AGFG1: variants seen among roughly 807,000 people sequenced by gnomAD.
The protein encoded by AGFG1 is ArfGAP with FG repeats 1.
Under a neutral mutation model 60.6 loss-of-function variants are expected in AGFG1, and 10 were observed. That is an observed-to-expected ratio of 0.16 (90% CI 0.10 to 0.28). The LOEUF (loss-of-function observed/expected upper bound fraction) is 0.28, where lower values mean the gene tolerates loss of function less well. Ranked by LOEUF, AGFG1 falls within the 10% of genes least tolerant of loss-of-function variation. AGFG1 has a pLI of 1.00. For synonymous variants in AGFG1, 247 were observed against 242.9 expected, an observed-to-expected ratio of 1.02 and a Z score of -0.16; for missense variants, 537 against 676.5, an observed-to-expected ratio of 0.79 and a Z score of 2.29.
At chr2:227,504,214 G>A (rs1440359660) in intron 2 of AGFG1, among the ~76,000 whole-genome samples, 1 of 150,310 alleles carries the variant, frequency 6.7e-6, no homozygotes, top group African/African-American at 2.5e-5. Context: ...TTTGAGATAG[G>A]GTCTCAACTT....
At chr2:227,484,688 GTTTTTTTTTTTTTTTTTTTTTTT>G (rs745570416) in intron 1 of AGFG1, among the ~76,000 whole-genome samples, 1 of 25,090 alleles carries the variant, frequency 4.0e-5, no homozygotes, top group African/African-American at 1.1e-4. Context: ...TTTTTTTTTT[GTTTTTTTTTTTTTTTTTTTTTTT>G]TTTTTTTTTT....
intron 7 of AGFG1, 80 bp from the exon 8 acceptor site, chr2:227,534,765 G>C (rs1223104467): frequency 1.4e-6 from 2 of 1,471,466 alleles, no homozygotes; most frequent in South Asian, 1.3e-5. Context: ...AAGTTTACCT[G>C]TGTTTCATGG....
chr2:227,478,457 C>G (rs1690355479), intron 1 of AGFG1, among the ~76,000 whole-genome samples: 1 of 151,996 alleles, frequency 6.6e-6, no homozygotes, highest in African/African-American at 2.4e-5. Context: ...GATCCTCCGA[C>G]CTCAGCTTCC....
intron 10 of AGFG1, among the ~76,000 whole-genome samples, chr2:227,541,103 C>T (rs980038458): frequency 2.0e-5 from 3 of 152,146 alleles, no homozygotes; most frequent in African/African-American, 4.8e-5. Context: ...AGCCCTTTGT[C>T]AGATGGGTAG....
At chr2:227,545,016 T>C (rs1229809709) in intron 10 of AGFG1, among the ~76,000 whole-genome samples, 2 of 152,216 alleles carry the variant, frequency 1.3e-5, no homozygotes, top group Non-Finnish European at 2.9e-5. Flanking sequence ...CCTTGCTATA[T>C]TGGGGAAGTT....
chr2:227,554,013 A>C (rs80097328), intron 12 of AGFG1, among the ~76,000 whole-genome samples: 3,332 of 152,314 alleles, frequency 0.022, 71 homozygotes, highest in Middle Eastern at 0.085. Context: ...TTTTTAAAAA[A>C]TTAGTTGCAA....
At chr2:227,500,681 C>T (rs1484012888) in intron 2 of AGFG1, among the ~76,000 whole-genome samples, 1 of 152,178 alleles carries the variant, frequency 6.6e-6, no homozygotes, top group Non-Finnish European at 1.5e-5. Flanking sequence ...ATATCTGTAT[C>T]CATTCATCAG....
In AGFG1 at chr2:227,553,082, G is replaced by A. The variant is rs140678891; in HGVS notation, c.1538-622G>A. The stretch of plus-strand genomic sequence containing the variant: ...AAAAATATTTCCTACAAAATACTGT[G>A]ATGTTTACATAGAAATCATTGTGTT... On this transcript the variant is annotated intron_variant, in intron 11 of 12. Coordinates refer to ENST00000310078, the MANE Select transcript of AGFG1 (RefSeq NM_004504.5). 7.4e-4 allele frequency among the ~76,000 whole-genome samples: 112 copies of A among 151,680 alleles called. No individual in the cohort carries two copies. The Middle Eastern group carries it at 0.014, about 19-fold the overall frequency.
chr2:227,491,493 A>AT, intron 1 of AGFG1, 54 bp from the exon 2 acceptor site: 1 of 1,161,202 alleles, frequency 8.6e-7, no homozygotes, highest in East Asian at 2.6e-5. Flanking sequence ...TAGATGTGTC[A>AT]TTTTAAAAAT....
chr2:227,549,973 CT>C, intron 10 of AGFG1: 1 of 406,876 alleles, frequency 2.5e-6, no homozygotes, highest in East Asian at 8.0e-5. Context: ...AATTTTATAA[CT>C]TTTTAATGAA....
intron 1 of AGFG1, 67 bp downstream of exon 1, chr2:227,472,655 CGGGACCCTTCCGGGGCT>C (rs1164735422): frequency 6.7e-7 from 1 of 1,498,848 alleles, no homozygotes; most frequent in Non-Finnish European, 8.9e-7. Flanking sequence ...GCGGCGGGAC[CGGGACCCTTCCGGGGCT>C]GGGAAAGAGC....
intron 1 of AGFG1, among the ~76,000 whole-genome samples, chr2:227,481,099 C>CTTTTTTTTTTTTTTTTTTTTTTTGT (rs1690444468): frequency 1.3e-5 from 1 of 75,724 alleles, no homozygotes; most frequent in African/African-American, 5.4e-5. Flanking sequence ...GTGTTTTAGG[C>CTTTTTTTTTTTTTTTTTTTTTTTGT]TTTTTTTTTT....
chr2:227,481,125 AATTTGT>A (rs1203378592), intron 1 of AGFG1, among the ~76,000 whole-genome samples: 1 of 36,382 alleles, frequency 2.7e-5, no homozygotes, highest in Non-Finnish European at 5.8e-5. Flanking sequence ...TTTTTTTTTG[AATTTGT>A]TTGGAAACTC....
intron 1 of AGFG1, among the ~76,000 whole-genome samples, chr2:227,485,239 GTTTCT>G (rs1237137842): frequency 2.7e-5 from 3 of 112,118 alleles, no homozygotes; most frequent in Non-Finnish European, 5.1e-5. Context: ...TCACCGAATC[GTTTCT>G]TTTTTTTTTT....
chr2:227,525,131 T>C (rs1002346014), intron 5 of AGFG1, among the ~76,000 whole-genome samples: 17 of 152,174 alleles, frequency 1.1e-4, no homozygotes, highest in African/African-American at 3.9e-4. Flanking sequence ...CCTCTTTCCG[T>C]GGAAAAATGG....
At chr2:227,521,373 A>G (rs747904126) in intron 3 of AGFG1, among the ~76,000 whole-genome samples, 4 of 152,170 alleles carry the variant, frequency 2.6e-5, no homozygotes, top group Non-Finnish European at 5.9e-5. Flanking sequence ...GGCCTAAAAT[A>G]GACTACTTTT....
In AGFG1 at chr2:227,489,291, C is replaced by T. The variant is rs192233514; in HGVS notation, c.168-2256C>T. 9.1e-3 allele frequency among the ~76,000 whole-genome samples: 1,230 copies of T among 135,634 alleles called. 13 individuals are homozygous for T. Among genetic ancestry groups the T allele is most frequent in the African/African-American group, 0.033 (1,157 of 35,092 alleles). 89.0% of individuals were successfully genotyped at this position (135,634 alleles called of 152,430 possible). On this transcript the variant is annotated intron_variant, in intron 1 of 12. Transcript: ENST00000310078. ...TGCTGCCCAGGATGGAATGCAGTGG[C>T]GCAATCTCAGCTCACTGCAACTTCC...
intron 2 of AGFG1, among the ~76,000 whole-genome samples, chr2:227,506,269 A>G (rs546198232): frequency 6.6e-6 from 1 of 152,264 alleles, no homozygotes; most frequent in African/African-American, 2.4e-5. Context: ...TGCTGCTCCC[A>G]TGATGAGTGC....
intron 1 of AGFG1, among the ~76,000 whole-genome samples, chr2:227,490,673 G>A (rs920449535): frequency 6.6e-6 from 1 of 152,108 alleles, no homozygotes; most frequent in Admixed American, 6.5e-5. Flanking sequence ...TAGTTCTGTG[G>A]AACTTTGCGT....
Sources: allele counts gnomAD v4.1 joint callset (sites outside exome capture counted in the v4.1 genomes callset), GRCh38; gene constraint gnomAD v4.1.1; transcripts MANE v1.5; gene names NCBI Gene and HGNC (gene_info 2026-07-23, HGNC 2026-07-21).